The following MMP26 variants were observed in gnomAD, a reference collection of about 807,000 sequenced individuals.
MMP26 encodes matrix metallopeptidase 26.
A neutral mutation model predicts 31.0 loss-of-function variants in MMP26; 33 were observed. The ratio of observed to expected loss-of-function variants is 1.06; its 90% CI spans 0.81 to 1.42. The LOEUF (loss-of-function observed/expected upper bound fraction) is 1.42. MMP26 is among the 40% of genes most tolerant of loss of function. MMP26 has a pLI of 0.00. For missense variants in MMP26, 347 were observed against 316.1 expected (o/e 1.10, Z -0.74); for synonymous variants, 122 against 114.9 (o/e 1.06, Z -0.40).
intron 1 of MMP26, among the ~76,000 whole-genome samples, chr11:4,732,917 T>G (rs1478953055): frequency 6.6e-6 from 1 of 152,260 alleles, no homozygotes; most frequent in Non-Finnish European, 1.5e-5. Flanking sequence ...CCATTCTTTC[T>G]TCATTGAGCT....
At position 4,954,702 on chromosome 11, in the gene MMP26, A is replaced by G. The variant is rs1296663041; in HGVS notation, c.-144-33366A>G. On this transcript the variant is annotated intron_variant, in intron 2 of 7. Coordinates refer to ENST00000380390, the MANE Select transcript of MMP26 (RefSeq NM_021801.5). ...ATGTGTTGATAATTCTTGGTGTCAAATATTAGGTTTCTCAAATTTACCTTA... is the reference window on the plus strand; with the variant it reads ...ATGTGTTGATAATTCTTGGTGTCAAGTATTAGGTTTCTCAAATTTACCTTA... 4.1e-6 allele frequency: 3 copies of G among 729,790 alleles called. No homozygotes were observed. In the East Asian group the frequency reaches 8.6e-5, roughly 21 times the overall value. The allele number at this position is 729,790 out of a possible 1,614,324, so 45.2% of individuals were successfully genotyped here.
chr11:4,783,810 C>A (rs116694024), intron 2 of MMP26, among the ~76,000 whole-genome samples: 10 of 152,110 alleles, frequency 6.6e-5, no homozygotes, highest in African/African-American at 2.4e-4. Flanking sequence ...TGATAAGGGG[C>A]AACCTGTTTC....
intron 1 of MMP26, chr11:4,710,487 A>C (rs1847847400): frequency 2.3e-6 from 1 of 436,448 alleles, no homozygotes; most frequent in Non-Finnish European, 4.7e-6. Flanking sequence ...GGCTGTGCTC[A>C]AAGCATTTCT....
intron 2 of MMP26, among the ~76,000 whole-genome samples, chr11:4,809,912 A>C (rs1849327132): frequency 1.3e-5 from 2 of 152,044 alleles, no homozygotes; most frequent in African/African-American, 4.8e-5. Context: ...CCAGACCTCT[A>C]CTCTGTCTTT....
intron 2 of MMP26, among the ~76,000 whole-genome samples, chr11:4,912,347 C>A (rs915769139): frequency 6.6e-6 from 1 of 152,122 alleles, no homozygotes; most frequent in African/African-American, 2.4e-5. Context: ...GCTACTATAT[C>A]GGAATAACTT....
intron 2 of MMP26, chr11:4,768,864 G>T: frequency 1.9e-6 from 1 of 536,186 alleles, no homozygotes; most frequent in Non-Finnish European, 3.2e-6. Flanking sequence ...CTATTTGTTT[G>T]GTGAATGAAA....
chr11:4,827,298 C>T (rs1324982606), intron 2 of MMP26, among the ~76,000 whole-genome samples: 1 of 152,170 alleles, frequency 6.6e-6, no homozygotes, highest in East Asian at 1.9e-4. Context: ...TTCTGCTGTA[C>T]TGAAAATCTA....
At chr11:4,946,913 T>C in intron 2 of MMP26, 1 of 1,605,666 alleles carries the variant, frequency 6.2e-7, no homozygotes, top group Non-Finnish European at 8.5e-7. Context: ...GGAAAGAAAA[T>C]AGTACATGGG....
chr11:4,882,176 G>C, intron 2 of MMP26: 13 of 1,613,912 alleles, frequency 8.1e-6, no homozygotes, highest in Non-Finnish European at 1.1e-5. Flanking sequence ...TCATGCCCGG[G>C]AGATCAGCTT....
rs537570013 is a variant in MMP26 at position 4,966,715 on chromosome 11, C to G, written c.-144-21353C>G. Among the ~76,000 whole-genome samples, 59 of 152,232 alleles carry G rather than the reference C, an allele frequency of 3.9e-4. No homozygotes were observed. The South Asian group carries it at 4.6e-3, about 12-fold the overall frequency. On this transcript the variant is annotated intron_variant, in intron 2 of 7. Transcript: ENST00000380390. ...CTTTTTTTCATCAAGGAAACGCTGT[C>G]TTATCTGTTACGATGTTAGTCCATT... is the stretch of plus-strand genomic sequence containing the variant.
chr11:4,770,566 G>A (rs1227031643), intron 2 of MMP26, among the ~76,000 whole-genome samples: 3 of 152,240 alleles, frequency 2.0e-5, no homozygotes, highest in African/African-American at 7.2e-5. Flanking sequence ...ACCAAAAGAG[G>A]CTGGGCAGGT....
intron 2 of MMP26, among the ~76,000 whole-genome samples, chr11:4,823,523 C>T (rs1849539494): frequency 6.6e-6 from 1 of 152,098 alleles, no homozygotes; most frequent in Admixed American, 6.6e-5. Context: ...TGGTTAGCAT[C>T]AACTTGTCTA....
intron 2 of MMP26, chr11:4,907,405 C>T (rs867579601): frequency 6.2e-7 from 1 of 1,613,806 alleles, no homozygotes; most frequent in Non-Finnish European, 8.5e-7. Flanking sequence ...TCAAGCTTTT[C>T]CTTCTGATTG....
At position 4,862,402 on chromosome 11, in the gene MMP26, G is replaced by A. The variant is rs146341373; in HGVS notation, c.-145+95061G>A. 5.3e-5 allele frequency among the ~76,000 whole-genome samples: 8 copies of A among 152,210 alleles called. No individual in the cohort carries two copies. In the East Asian group the frequency reaches 1.4e-3, roughly 26 times the overall value. ...AATGAAGACATAAAACAATGAATGG[G>A]TGAATATGGATGATTGAATGTCAAT... On this transcript the variant is annotated intron_variant, in intron 2 of 7. Transcript: ENST00000380390.
intron 2 of MMP26, among the ~76,000 whole-genome samples, chr11:4,872,351 C>A (rs113102804): frequency 0.012 from 1,824 of 152,068 alleles, 37 homozygotes; most frequent in African/African-American, 0.042. Context: ...GCTCAGCAAG[C>A]ATTACTTTTT....
chr11:4,835,958 G>C (rs1460908884), intron 2 of MMP26, among the ~76,000 whole-genome samples: 1 of 151,712 alleles, frequency 6.6e-6, no homozygotes. Context: ...ATTTATAATA[G>C]AAACAAAAGA....
chr11:4,951,521 T>G, intron 2 of MMP26, among the ~76,000 whole-genome samples: 1 of 124,964 alleles, frequency 8.0e-6, no homozygotes. Flanking sequence ...GAAGTGATTC[T>G]GCCATTATTG....
intron 2 of MMP26, among the ~76,000 whole-genome samples, chr11:4,880,055 T>G (rs1280609477): frequency 6.6e-6 from 1 of 152,028 alleles, no homozygotes; most frequent in African/African-American, 2.4e-5. Context: ...ATGGATGGGA[T>G]TTGCTTGGGC....
At chr11:4,931,647 T>C (rs527667911) in intron 2 of MMP26, among the ~76,000 whole-genome samples, 9 of 152,056 alleles carry the variant, frequency 5.9e-5, no homozygotes, top group East Asian at 1.9e-4. Flanking sequence ...AGAATATAGG[T>C]TGAAGGAGAG....
Sources: gnomAD v4.1 joint callset for allele counts (sites outside exome capture counted in the v4.1 genomes callset) on GRCh38, gnomAD v4.1.1 for gene constraint, MANE v1.5 for transcripts, NCBI Gene and HGNC (gene_info 2026-07-23, HGNC 2026-07-21) for gene names.